The following PEX5L variants were observed in gnomAD, a reference collection of about 807,000 sequenced individuals.
The protein encoded by PEX5L is PEX5-related protein.
In PEX5L, 30 loss-of-function variants were observed where a neutral mutation model predicts 84.0. The ratio of observed to expected loss-of-function variants is 0.36; its 90% CI spans 0.27 to 0.48. PEX5L has a LOEUF of 0.48. PEX5L is among the 20% of genes least tolerant of loss of function. PEX5L has a pLI of 0.99. For synonymous variants in PEX5L, 270 were observed against 283.1 expected, an observed-to-expected ratio of 0.95 and a Z score of 0.46; for missense variants, 533 against 754.6, an observed-to-expected ratio of 0.71 and a Z score of 3.44.
chr3:180,015,352 A>G (rs1789853833), intron 1 of PEX5L, among the ~76,000 whole-genome samples: 1 of 152,218 alleles, frequency 6.6e-6, no homozygotes. Flanking sequence ...CGAACGAGCT[A>G]CCAAATTTTA....
intron 8 of PEX5L, among the ~76,000 whole-genome samples, chr3:179,856,732 G>A (rs1744119065): frequency 6.6e-6 from 1 of 152,154 alleles, no homozygotes; most frequent in African/African-American, 2.4e-5. Context: ...ACCTTCTGGT[G>A]GGCACCATTT....
chr3:180,007,202 G>C lies in PEX5L; in HGVS notation c.21+29377C>G, dbSNP rs192881513. Among the ~76,000 whole-genome samples, 445 of 152,284 alleles carry C rather than the reference G, an allele frequency of 2.9e-3. 3 individuals are homozygous for C. Among genetic ancestry groups the C allele is most frequent in the African/African-American group, 9.9e-3 (411 of 41,554 alleles). ...GGGAGAAACTGGCCAAAACGAACGG[G>C]TAACAGGACCCATGCAAGTCCAAAA... is the stretch of plus-strand genomic sequence containing the variant. On this transcript the variant is annotated intron_variant, in intron 1 of 14. Transcript: ENST00000467460.
At chr3:179,874,459 T>C (rs768119026) in intron 6 of PEX5L, 36 bp from the exon 7 acceptor site, 1 of 1,035,308 alleles carries the variant, frequency 9.7e-7, no homozygotes, top group Non-Finnish European at 1.5e-6. Flanking sequence ...AAACGTACAC[T>C]AGAAACAAAT....
intron 3 of PEX5L, chr3:179,896,295 A>C (rs1403254739): frequency 2.6e-5 from 4 of 152,126 alleles, no homozygotes; most frequent in Non-Finnish European, 5.9e-5. Flanking sequence ...TTTGAATCAG[A>C]ACTCTGTTTG....
At chr3:179,852,870 G>T (rs1742438197) in intron 8 of PEX5L, among the ~76,000 whole-genome samples, 1 of 152,158 alleles carries the variant, frequency 6.6e-6, no homozygotes, top group South Asian at 2.1e-4. Context: ...TTGAATCTAG[G>T]GGGAAAAGTT....
chr3:179,899,129 C>T (rs984690094), intron 2 of PEX5L, among the ~76,000 whole-genome samples: 1 of 151,910 alleles, frequency 6.6e-6, no homozygotes, highest in Non-Finnish European at 1.5e-5. Context: ...GATATGGTGG[C>T]TTTCTGTTAT....
chr3:179,984,467 A>T (rs73883457), intron 1 of PEX5L, among the ~76,000 whole-genome samples: 12,961 of 152,114 alleles, frequency 0.085, 908 homozygotes, highest in African/African-American at 0.2. Context: ...ACTTTGCTTA[A>T]TTTTTTTCTA....
intron 3 of PEX5L, among the ~76,000 whole-genome samples, chr3:179,894,997 C>T (rs898186206): frequency 6.6e-6 from 1 of 152,066 alleles, no homozygotes; most frequent in Admixed American, 6.6e-5. Context: ...TTCTGGCAAA[C>T]GGCTTTCCCT....
chr3:179,894,284 C>T (rs1371780665), intron 3 of PEX5L, among the ~76,000 whole-genome samples: 2 of 152,072 alleles, frequency 1.3e-5, no homozygotes, highest in Non-Finnish European at 2.9e-5. Flanking sequence ...CATTACCATG[C>T]AACCGCTAAA....
chr3:179,860,281 A>G (rs185762427), intron 7 of PEX5L, among the ~76,000 whole-genome samples: 1 of 152,334 alleles, frequency 6.6e-6, no homozygotes, highest in Admixed American at 6.5e-5. Flanking sequence ...ATGCACTGAG[A>G]CACAGTGAGG....
chr3:179,930,009 G>T (rs1772585784), intron 2 of PEX5L, among the ~76,000 whole-genome samples: 1 of 152,096 alleles, frequency 6.6e-6, no homozygotes, highest in Non-Finnish European at 1.5e-5. Context: ...CTCTTAGTCT[G>T]TTTTGTATGT....
intron 3 of PEX5L, chr3:179,896,216 A>C (rs1167604801): frequency 6.6e-6 from 1 of 152,182 alleles, no homozygotes; most frequent in Non-Finnish European, 1.5e-5. Flanking sequence ...TTGACTGAGA[A>C]ATAATTGTAT....
intron 7 of PEX5L, among the ~76,000 whole-genome samples, chr3:179,867,320 T>C (rs1748691937): frequency 6.6e-6 from 1 of 152,184 alleles, no homozygotes; most frequent in Admixed American, 6.5e-5. Flanking sequence ...AGCTGCTACT[T>C]CCACATTGTT....
intron 6 of PEX5L, 85 bp downstream of exon 6, chr3:179,875,269 G>T: frequency 2.3e-6 from 3 of 1,285,550 alleles, no homozygotes; most frequent in South Asian, 1.2e-5. Flanking sequence ...CCAAGTATTT[G>T]GATTGACTTA....
At chr3:179,825,423 T>A (rs929949319) in intron 8 of PEX5L, among the ~76,000 whole-genome samples, 5 of 152,204 alleles carry the variant, frequency 3.3e-5, no homozygotes, top group African/African-American at 1.2e-4. Flanking sequence ...ACCCAAAGAA[T>A]TCTTTGGTCT....
At chr3:179,860,418 C>G (rs1486906132) in intron 7 of PEX5L, among the ~76,000 whole-genome samples, 3 of 152,230 alleles carry the variant, frequency 2.0e-5, no homozygotes, top group Admixed American at 2.0e-4. Flanking sequence ...CAGTGATGCT[C>G]AACCCTGGCT....
At chr3:180,025,237 T>A (rs1281573116) in intron 1 of PEX5L, among the ~76,000 whole-genome samples, 1 of 152,182 alleles carries the variant, frequency 6.6e-6, no homozygotes, top group East Asian at 1.9e-4. Context: ...TATCTTAGCA[T>A]CACGGAGACC....
intron 4 of PEX5L, among the ~76,000 whole-genome samples, chr3:179,884,851 A>G (rs1441626113): frequency 6.6e-6 from 1 of 152,136 alleles, no homozygotes; most frequent in Non-Finnish European, 1.5e-5. Flanking sequence ...AATCTAATAG[A>G]ACTGGGTGGA....
intron 7 of PEX5L, among the ~76,000 whole-genome samples, chr3:179,870,505 A>G (rs890679270): frequency 1.3e-5 from 2 of 151,996 alleles, no homozygotes; most frequent in Non-Finnish European, 2.9e-5. Flanking sequence ...CTGTGATCAA[A>G]CCTCTTTCTC....
Sources: allele counts gnomAD v4.1 joint callset (sites outside exome capture counted in the v4.1 genomes callset), GRCh38; gene constraint gnomAD v4.1.1; transcripts MANE v1.5; gene names NCBI Gene and HGNC (gene_info 2026-07-23, HGNC 2026-07-21).